WDFY1: variants seen among roughly 807,000 people sequenced by gnomAD.
WDFY1 encodes WD repeat and FYVE domain containing 1.
In WDFY1, 32 loss-of-function variants were observed where a neutral mutation model predicts 56.4. The ratio of observed to expected loss-of-function variants is 0.57; its 90% confidence interval spans 0.43 to 0.76. The LOEUF (loss-of-function observed/expected upper bound fraction) is 0.76, where lower values mean the gene tolerates loss of function less well. Ranked by LOEUF, WDFY1 falls within the 30% of genes least tolerant of loss-of-function variation. The pLI is 0.00. For synonymous variants in WDFY1, 192 were observed against 197.3 expected (o/e 0.97, Z 0.23); for missense variants, 480 against 545.7 (o/e 0.88, Z 1.20).
At chr2:223,900,571 T>G (rs1160056891) in intron 5 of WDFY1, among the ~76,000 whole-genome samples, 1 of 152,154 alleles carries the variant, frequency 6.6e-6, no homozygotes, top group Non-Finnish European at 1.5e-5. Flanking sequence ...AGGCCGTGAT[T>G]TTTAGCATTT....
chr2:223,901,095 A>G, intron 5 of WDFY1, 88 bp downstream of exon 5: 1 of 1,450,790 alleles, frequency 6.9e-7, no homozygotes, highest in Admixed American at 2.3e-5. Flanking sequence ...TTCAGTCTTT[A>G]GATCTCAGCC....
rs1272530017 is a variant in WDFY1 at position 223,917,985 on chromosome 2, C to T, written c.163G>A (p.Asp55Asn). 2 of 1,614,064 alleles carry T rather than the reference C, an allele frequency of 1.2e-6. No individual in the cohort carries two copies. The highest frequency in any genetic ancestry group is 4.5e-5 in the East Asian group (2 of 44,874). ...DRTIRVWLKR[D>N]SGQYWPSIYH... ...ATGCTGGGCCAGTATTGACCACTGT[C>T]TCTTTTCAGCCATACCCGGATGGTT... The change falls in exon 2 of 12, where the codon GAC becomes AAC. Residue 55 changes from aspartate to asparagine, a missense_variant. By Grantham distance (23) the Asp-to-Asn change is conservative (BLOSUM62 1). Transcript: ENST00000233055.
In WDFY1 at chr2:223,880,192, T is replaced by C. The variant is rs755859506; in HGVS notation, c.1105A>G (p.Ile369Val). Residue 369 changes from isoleucine to valine, a missense_variant, in exon 11 of 12, where the codon ATT (isoleucine) becomes GTT (valine). Physicochemically the swap from Ile to Val is conservative, Grantham distance 29. Coordinates refer to ENST00000233055, the MANE Select transcript of WDFY1 (RefSeq NM_020830.5). ...LATFHEGKHN[I>V]SHMSMDIARG... is the part of the protein sequence containing the mutation. The stretch of plus-strand genomic sequence containing the variant: ...GCAATGTCCATGGACATGTGGGAAA[T>C]GTTATGTTTTCCTTCATGAAAGGTC... 4 of 1,614,104 alleles carry C rather than the reference T, an allele frequency of 2.5e-6. No individual in the cohort carries two copies. The South Asian group carries it at 3.3e-5, about 13-fold the overall frequency.
intron 1 of WDFY1, among the ~76,000 whole-genome samples, chr2:223,944,236 G>GC (rs1411471469): frequency 2.0e-5 from 3 of 152,342 alleles, no homozygotes; most frequent in South Asian, 4.1e-4. Flanking sequence ...TCGCAAAGAA[G>GC]CAAGCCCCGG....
intron 1 of WDFY1, among the ~76,000 whole-genome samples, chr2:223,944,357 C>G (rs993531699): frequency 6.6e-6 from 1 of 152,274 alleles, no homozygotes; most frequent in Non-Finnish European, 1.5e-5. Flanking sequence ...GGCTAAACCC[C>G]GCCAGGGAGA....
intron 8 of WDFY1, 114 bp downstream of exon 8, chr2:223,894,120 C>T (rs1693321909): frequency 2.1e-6 from 2 of 952,772 alleles, no homozygotes; most frequent in Non-Finnish European, 3.2e-6. Flanking sequence ...GAAGGGGAAG[C>T]TGGGACTGTC....
At chr2:223,903,219 C>G (rs931205947) in intron 4 of WDFY1, among the ~76,000 whole-genome samples, 2 of 152,070 alleles carry the variant, frequency 1.3e-5, no homozygotes, top group Admixed American at 1.3e-4. Context: ...GCCTTATAGC[C>G]CATAAAGAAC....
At chr2:223,896,513 A>G (rs1274936956) in intron 6 of WDFY1, among the ~76,000 whole-genome samples, 1 of 152,202 alleles carries the variant, frequency 6.6e-6, no homozygotes, top group African/African-American at 2.4e-5. Context: ...CATACTTTAT[A>G]TTGGCTAACT....
chr2:223,878,799 GACAA>G (rs1159526350), intron 11 of WDFY1, 69 bp from the exon 12 acceptor site: 4 of 1,496,780 alleles, frequency 2.7e-6, no homozygotes, highest in Non-Finnish European at 3.7e-6. Flanking sequence ...AGTCAACACA[GACAA>G]ACAAACGACT....
At chr2:223,890,073 C>T (rs538883991) in intron 8 of WDFY1, among the ~76,000 whole-genome samples, 5 of 152,272 alleles carry the variant, frequency 3.3e-5, no homozygotes, top group Admixed American at 6.5e-5. Flanking sequence ...TGAGGCCTAT[C>T]CACTTCTACC....
chr2:223,900,855 G>A lies in WDFY1; in HGVS notation c.485+328C>T, dbSNP rs147560842. On this transcript the variant is annotated intron_variant, in intron 5 of 11. Coordinates refer to ENST00000233055, the MANE Select transcript of WDFY1 (RefSeq NM_020830.5). ...CATGAGAGGAAGGGTTTGCATTAAT[G>A]GGCTTGGGTTTTCCACAATTTTGAA... 2.3e-3 allele frequency: 455 copies of A among 199,956 alleles called. 3 individuals are homozygous for A. The highest frequency in any genetic ancestry group is 0.01 in the African/African-American group (440 of 42,930). 12.4% of individuals were successfully genotyped at this position (199,956 alleles called of 1,614,324 possible).
At chr2:223,909,083 C>T (rs1693646961) in intron 3 of WDFY1, among the ~76,000 whole-genome samples, 1 of 152,174 alleles carries the variant, frequency 6.6e-6, no homozygotes, top group African/African-American at 2.4e-5. Flanking sequence ...CCTGCTCCTG[C>T]TCCTCAGAGG....
chr2:223,899,671 A>G (rs1693469068), intron 5 of WDFY1, among the ~76,000 whole-genome samples: 1 of 152,094 alleles, frequency 6.6e-6, no homozygotes, highest in South Asian at 2.1e-4. Context: ...GCTTGAACCC[A>G]GGAGGCAGAG....
intron 6 of WDFY1, 48 bp from the exon 7 acceptor site, chr2:223,895,678 A>G (rs748237267): frequency 3.7e-6 from 6 of 1,604,890 alleles, no homozygotes; most frequent in Non-Finnish European, 5.1e-6. Flanking sequence ...GGGAGAAGTA[A>G]AATATAACTC....
At position 223,898,969 on chromosome 2, in the gene WDFY1, T is replaced by A. The variant is rs773994812; in HGVS notation, c.587A>T (p.Lys196Ile). The A allele has an allele frequency of 1.9e-6, 3 of 1,613,850 alleles. No homozygotes were observed. Among genetic ancestry groups the A allele is most frequent in the Non-Finnish European group, 2.5e-6 (3 of 1,179,824 alleles). Residue 196 changes from lysine (K) to isoleucine (I), a missense_variant, in exon 6 of 12, where the codon AAA (lysine) becomes ATA (isoleucine). Lys to Ile is a moderately radical substitution (Grantham distance 102, BLOSUM62 -3). Transcript: ENST00000233055. ...ATAATATAGCCTACCTTCATGTCCT[T>A]TGAGGGTTGTGATGACTGAACACGT... Reference protein sequence around the residue: ...QNTCSVITTLKGHEGSVACLW... With the variant: ...QNTCSVITTLIGHEGSVACLW...
At chr2:223,887,338 T>C (rs1336409213) in intron 8 of WDFY1, among the ~76,000 whole-genome samples, 1 of 152,202 alleles carries the variant, frequency 6.6e-6, no homozygotes, top group Non-Finnish European at 1.5e-5. Flanking sequence ...CACAGTCACA[T>C]GGACCAAAAA....
At chr2:223,893,354 C>CAA (rs557812473) in intron 8 of WDFY1, among the ~76,000 whole-genome samples, 18 of 108,740 alleles carry the variant, frequency 1.7e-4, no homozygotes, top group East Asian at 2.6e-4. Context: ...CTGTCTCTAC[C>CAA]AAAAAAAAAA....
intron 4 of WDFY1, among the ~76,000 whole-genome samples, chr2:223,904,477 T>C (rs1248528289): frequency 1.3e-5 from 2 of 152,178 alleles, no homozygotes; most frequent in African/African-American, 4.8e-5. Context: ...GGCCTCAAAC[T>C]CCTGACCTCA....
rs1369882065 is a variant in WDFY1 at position 223,901,336 on chromosome 2, G to A, written c.335-3C>T. ...CGCAGACACCCGGTTCTGATGAGCT[G>A]CAGGAACAGAAAGGTGAACAGATGT... On this transcript the variant is annotated splice_region_variant and splice_polypyrimidine_tract_variant and intron_variant, in intron 4 of 11. Transcript: ENST00000233055. 1 of 1,613,838 alleles carries A rather than the reference G, an allele frequency of 6.2e-7. No individual in the cohort carries two copies. Among genetic ancestry groups the A allele is most frequent in the East Asian group, 2.2e-5 (1 of 44,880 alleles).
Sources: gnomAD v4.1 joint callset for allele counts (sites outside exome capture counted in the v4.1 genomes callset) on GRCh38, gnomAD v4.1.1 for gene constraint, MANE v1.5 for transcripts, NCBI Gene and HGNC (gene_info 2026-07-23, HGNC 2026-07-21) for gene names.